VWC2: variants seen among roughly 807,000 people sequenced by gnomAD.
VWC2 encodes brorin.
Under a neutral mutation model 29.8 loss-of-function variants are expected in VWC2, and 14 were observed. The observed-to-expected ratio is 0.47, with a 90% confidence interval of 0.31 to 0.74. The LOEUF is 0.74. Among genes scored for constraint, VWC2 ranks in the 30% least tolerant of loss-of-function variants. The pLI, the probability that VWC2 is intolerant of heterozygous loss-of-function variation, is 0.05. For missense variants in VWC2, 457 were observed against 459.8 expected (o/e 0.99, Z 0.05); for synonymous variants, 213 against 199.0 (o/e 1.07, Z -0.59).
chr7:49,860,563 T>C (rs542201), intron 3 of VWC2, among the ~76,000 whole-genome samples: 14,956 of 152,274 alleles, frequency 0.098, 2,129 homozygotes, highest in African/African-American at 0.31. Flanking sequence ...GCAGTGAACA[T>C]TGGCATACAA....
Position 49,912,311 on chromosome 7 carries a change from C to G in VWC2, c.*126C>G, listed in dbSNP as rs1314355256. The G allele has an allele frequency of 2.0e-6, 2 of 999,524 alleles. No homozygotes were observed. The highest frequency in any genetic ancestry group is 2.8e-6 in the Non-Finnish European group (2 of 708,550). The allele number at this position is 999,524 out of a possible 1,614,324, so 61.9% of individuals were successfully genotyped here. The stretch of plus-strand genomic sequence containing the variant: ...GAGGAATAATGGAAAATTGTTGGTA[C>G]TTTTCCTTTTCTTGATAACAGTTAC... On this transcript the variant is annotated 3_prime_UTR_variant, in exon 4 of 4. Coordinates refer to ENST00000340652, the MANE Select transcript of VWC2 (RefSeq NM_198570.5).
chr7:49,780,966 A>G (rs1029731156), intron 2 of VWC2, among the ~76,000 whole-genome samples: 2 of 152,228 alleles, frequency 1.3e-5, no homozygotes, highest in African/African-American at 2.4e-5. Context: ...ATAGATCTCT[A>G]TATCAATTAT....
intron 3 of VWC2, among the ~76,000 whole-genome samples, chr7:49,828,601 T>A (rs576349135): frequency 4.9e-4 from 74 of 152,288 alleles, no homozygotes; most frequent in African/African-American, 1.7e-3. Context: ...TTGAGCTGGG[T>A]CTGGGCTGTG....
At chr7:49,873,650 G>A (rs531028536) in intron 3 of VWC2, among the ~76,000 whole-genome samples, 1 of 152,138 alleles carries the variant, frequency 6.6e-6, no homozygotes, top group Admixed American at 6.5e-5. Context: ...GCATAGCCAG[G>A]CATTATGCAG....
At chr7:49,798,476 G>A (rs1182516077) in intron 2 of VWC2, among the ~76,000 whole-genome samples, 1 of 152,220 alleles carries the variant, frequency 6.6e-6, no homozygotes, top group Non-Finnish European at 1.5e-5. Context: ...CTGCTCCTTG[G>A]CAGCCTCTCT....
intron 3 of VWC2, among the ~76,000 whole-genome samples, chr7:49,877,119 A>G (rs1791443096): frequency 6.6e-6 from 1 of 152,056 alleles, no homozygotes; most frequent in African/African-American, 2.4e-5. Context: ...GAGAAAATAC[A>G]TTGGAAGACA....
At chr7:49,865,948 C>T (rs1442242897) in intron 3 of VWC2, among the ~76,000 whole-genome samples, 2 of 152,216 alleles carry the variant, frequency 1.3e-5, no homozygotes, top group African/African-American at 2.4e-5. Flanking sequence ...AAAGTCTACT[C>T]GGCACCATCT....
In VWC2 at chr7:49,775,593, G is replaced by C. The variant is rs1429923059; in HGVS notation, c.158G>C (p.Arg53Pro). Residue 53 changes from arginine (R) to proline (P), a missense_variant, in exon 2 of 4, where the codon CGG becomes CCG. Arg to Pro is a moderately radical substitution (Grantham distance 103). Around this residue, in one of 2 missense-constraint regions of VWC2, gnomAD observed 272 missense variants for 202.7 expected, o/e 1.34. Transcript: ENST00000340652. ...CAGGAGAAGCGTGAGCACGCCTCTC[G>C]GGACGGCCCGGGGCGGGTGAACGAG... ...PGQEKREHAS[R>P]DGPGRVNELG... is the part of the protein sequence containing the mutation. 13 of 1,536,140 alleles carry C rather than the reference G, an allele frequency of 8.5e-6. No individual in the cohort carries two copies. The Admixed American group carries it at 9.9e-5, about 12-fold the overall frequency.
intron 3 of VWC2, among the ~76,000 whole-genome samples, chr7:49,845,345 C>T (rs1202462589): frequency 6.6e-6 from 1 of 152,144 alleles, no homozygotes; most frequent in African/African-American, 2.4e-5. Flanking sequence ...GGACTCTATC[C>T]ATCTGTTAAG....
At chr7:49,836,894 C>T (rs1267091180) in intron 3 of VWC2, among the ~76,000 whole-genome samples, 1 of 152,114 alleles carries the variant, frequency 6.6e-6, no homozygotes, top group African/African-American at 2.4e-5. Flanking sequence ...CTTGATATGT[C>T]ACAATTAGAT....
rs565956246 is a variant in VWC2, at chr7:49,885,356, C to A, written c.827-26678C>A. ...CCACAACCTAATTTTTAAAAAATAT[C>A]TCTGAAAGTAAAACTATATAAATAT... On this transcript the variant is annotated intron_variant, in intron 3 of 3. Coordinates refer to ENST00000340652, the MANE Select transcript of VWC2 (RefSeq NM_198570.5). 5.1e-4 allele frequency among the ~76,000 whole-genome samples: 78 copies of A among 151,978 alleles called. 1 individual carries two copies. Among genetic ancestry groups the A allele is most frequent in the Non-Finnish European group, 7.8e-4 (53 of 67,952 alleles).
At chr7:49,841,888 T>C (rs986662535) in intron 3 of VWC2, among the ~76,000 whole-genome samples, 2 of 152,208 alleles carry the variant, frequency 1.3e-5, no homozygotes, top group African/African-American at 4.8e-5. Flanking sequence ...TTTTTTAAGA[T>C]GGAGTTTTGC....
At chr7:49,780,984 T>TGCCAGCAAAGAGAAAGC (rs1432894266) in intron 2 of VWC2, among the ~76,000 whole-genome samples, 1 of 152,226 alleles carries the variant, frequency 6.6e-6, no homozygotes, top group Admixed American at 6.5e-5. Context: ...TATGAGAAAG[T>TGCCAGCAAAGAGAAAGC]GCCAGCAAAG....
In VWC2 at chr7:49,775,406, G is replaced by A; in HGVS notation, c.-30G>A. 1.3e-6 allele frequency: 1 copy of A among 783,850 alleles called. No homozygotes were observed. Among genetic ancestry groups the A allele is most frequent in the Non-Finnish European group, 1.6e-6 (1 of 610,106 alleles). 48.6% of individuals were successfully genotyped at this position (783,850 alleles called of 1,614,324 possible). A position where few individuals can be genotyped will look rare whatever the true frequency, so the allele number is the denominator to read the frequency against. On this transcript the variant is annotated 5_prime_UTR_variant, in exon 2 of 4. Coordinates refer to ENST00000340652, the MANE Select transcript of VWC2 (RefSeq NM_198570.5). ...GACTCGCCCCTCGGCCGCGCTCCCCGCCCGCCCGCCCGCCGGGACGTGGTA... is the reference window on the plus strand; with the variant it reads ...GACTCGCCCCTCGGCCGCGCTCCCCACCCGCCCGCCCGCCGGGACGTGGTA...
chr7:49,875,395 A>AAAAAAAAAAAAAAAAAAAAAAC (rs1562746141), intron 3 of VWC2, among the ~76,000 whole-genome samples: 1 of 149,490 alleles, frequency 6.7e-6, no homozygotes, highest in African/African-American at 2.5e-5. Flanking sequence ...AAAAAAAAAA[A>AAAAAAAAAAAAAAAAAAAAAAC]AACAGGAATA....
chr7:49,886,641 G>A (rs1458118040), intron 3 of VWC2, among the ~76,000 whole-genome samples: 1 of 152,038 alleles, frequency 6.6e-6, no homozygotes, highest in Non-Finnish European at 1.5e-5. Context: ...TACATGGGCA[G>A]GTTTGTTATA....
Position 49,919,095 on chromosome 7 carries a change from T to C in VWC2, c.*6910T>C, listed in dbSNP as rs1793885830. ...TCAGTGATGGAACTGAGGCCAAATC[T>C]GTCTGGTTCCAAAGCTATCCTACAT... On this transcript the variant is annotated 3_prime_UTR_variant, in exon 4 of 4. Transcript: ENST00000340652. 1 of 151,568 alleles carries C rather than the reference T, an allele frequency of 6.6e-6. No homozygotes were observed. The highest frequency in any genetic ancestry group is 2.4e-5 in the African/African-American group (1 of 41,190). The allele number at this position is 151,568 out of a possible 1,614,324, so 9.4% of individuals were successfully genotyped here.
chr7:49,886,190 A>T (rs1367452599), intron 3 of VWC2, among the ~76,000 whole-genome samples: 1 of 152,168 alleles, frequency 6.6e-6, no homozygotes, highest in Non-Finnish European at 1.5e-5. Context: ...GTGTGGGGTG[A>T]GGGAAGTGAG....
intron 3 of VWC2, among the ~76,000 whole-genome samples, chr7:49,816,508 T>C (rs1401191027): frequency 2.0e-5 from 3 of 152,108 alleles, no homozygotes; most frequent in African/African-American, 7.2e-5. Context: ...ATTTGGGTAA[T>C]GACAAAGACC....
Sources: allele counts gnomAD v4.1 joint callset (sites outside exome capture counted in the v4.1 genomes callset), GRCh38; gene constraint gnomAD v4.1.1; regional missense constraint gnomAD v4.1.1; transcripts MANE v1.5; gene names NCBI Gene and HGNC (gene_info 2026-07-23, HGNC 2026-07-21).